The following SLC24A4 variants were observed in gnomAD, a reference collection of about 807,000 sequenced individuals.
SLC24A4 encodes the protein sodium/potassium/calcium exchanger 4.
A neutral mutation model predicts 79.0 loss-of-function variants in SLC24A4; 53 were observed. The observed-to-expected ratio is 0.67, with a 90% CI of 0.54 to 0.84. The LOEUF is 0.84. Ranked by LOEUF, SLC24A4 falls within the 40% of genes least tolerant of loss-of-function variation. The probability of loss-of-function intolerance (pLI) is 0.00; values close to 1 mark genes in which losing one functional copy is unlikely to be tolerated. For missense variants in SLC24A4, 731 were observed against 822.0 expected (o/e 0.89, Z 1.35); for synonymous variants, 323 against 323.8 (o/e 1.00, Z 0.03).
chr14:92,426,407 A>T (rs1417093558), intron 2 of SLC24A4, among the ~76,000 whole-genome samples: 1 of 152,196 alleles, frequency 6.6e-6, no homozygotes, highest in East Asian at 1.9e-4. Flanking sequence ...GCCCTGTGAC[A>T]TTAACAAGTC....
At chr14:92,381,254 A>T (rs1340265708) in intron 2 of SLC24A4, among the ~76,000 whole-genome samples, 3 of 152,200 alleles carry the variant, frequency 2.0e-5, no homozygotes, top group Admixed American at 1.3e-4. Context: ...TGCAGCCATA[A>T]AAAGGGGTGA....
intron 2 of SLC24A4, among the ~76,000 whole-genome samples, chr14:92,355,727 A>G (rs1368904797): frequency 6.6e-6 from 1 of 152,168 alleles, no homozygotes; most frequent in South Asian, 2.1e-4. Flanking sequence ...ACCTTGGAGG[A>G]TCTGCCTGCA....
intron 2 of SLC24A4, among the ~76,000 whole-genome samples, chr14:92,430,933 T>G (rs1269433239): frequency 1.3e-5 from 2 of 152,180 alleles, no homozygotes; most frequent in African/African-American, 4.8e-5. Context: ...CAGAGCAGGC[T>G]CAGCCCCCTC....
chr14:92,379,380 G>A (rs1888696609), intron 2 of SLC24A4, among the ~76,000 whole-genome samples: 3 of 152,196 alleles, frequency 2.0e-5, no homozygotes, highest in Admixed American at 1.3e-4. Flanking sequence ...GGCATTCTCA[G>A]TGGTTCTGCT....
chr14:92,440,807 G>A (rs755252072), intron 4 of SLC24A4, among the ~76,000 whole-genome samples: 2 of 151,722 alleles, frequency 1.3e-5, no homozygotes, highest in Admixed American at 1.3e-4. Context: ...GGAGGAGGTG[G>A]CATTGGGTCC....
intron 2 of SLC24A4, among the ~76,000 whole-genome samples, chr14:92,364,202 TC>T (rs2141672566): frequency 6.6e-6 from 1 of 152,362 alleles, no homozygotes; most frequent in South Asian, 2.1e-4. Flanking sequence ...TAGCTGTCTT[TC>T]CAGACACACT....
intron 12 of SLC24A4, among the ~76,000 whole-genome samples, chr14:92,461,526 G>A (rs1264476935): frequency 6.6e-6 from 1 of 152,162 alleles, no homozygotes; most frequent in Non-Finnish European, 1.5e-5. Context: ...CTGCCTTTTT[G>A]TTCACGTGGC....
At chr14:92,385,696 A>T (rs2141721097) in intron 2 of SLC24A4, among the ~76,000 whole-genome samples, 1 of 151,988 alleles carries the variant, frequency 6.6e-6, no homozygotes, top group East Asian at 1.9e-4. Flanking sequence ...CCCCATTTGG[A>T]TGCACTCTGG....
At chr14:92,481,281 A>T (rs1344652800) in intron 12 of SLC24A4, among the ~76,000 whole-genome samples, 1 of 152,174 alleles carries the variant, frequency 6.6e-6, no homozygotes, top group Non-Finnish European at 1.5e-5. Flanking sequence ...CCCACTGTGG[A>T]TGTCTCATTC....
chr14:92,378,211 G>A (rs530129753), intron 2 of SLC24A4, among the ~76,000 whole-genome samples: 1 of 152,286 alleles, frequency 6.6e-6, no homozygotes, highest in African/African-American at 2.4e-5. Context: ...TGAACGTTGA[G>A]GTTGTTTGCA....
intron 2 of SLC24A4, among the ~76,000 whole-genome samples, chr14:92,375,987 A>T (rs1175894228): frequency 6.6e-6 from 1 of 152,244 alleles, no homozygotes. Flanking sequence ...GACACTATAA[A>T]ATGACTAATT....
chr14:92,354,906 T>C (rs1887091446), intron 2 of SLC24A4, among the ~76,000 whole-genome samples: 1 of 152,128 alleles, frequency 6.6e-6, no homozygotes. Flanking sequence ...AAACCCCATC[T>C]CTACTAAAAA....
rs139302933 is a variant in SLC24A4, at chr14:92,384,498, G to A, written c.242-49414G>A. Among the ~76,000 whole-genome samples the A allele has an allele frequency of 4.6e-3, 696 of 151,990 alleles. 6 individuals carry two copies. Among genetic ancestry groups the A allele is most frequent in the African/African-American group, 0.016 (664 of 41,432 alleles). On this transcript the variant is annotated intron_variant, in intron 2 of 16. Coordinates refer to ENST00000532405, the MANE Select transcript of SLC24A4 (RefSeq NM_153646.4). The stretch of plus-strand genomic sequence containing the variant: ...CTGTGCTTGAGATGGGGGGTGGGGT[G>A]GGGGATTTGAAGTTGAATTGGCTAA...
chr14:92,496,252 ATATG>A lies in SLC24A4; in HGVS notation c.*2627_*2630del, dbSNP rs1895916883. The A allele has an allele frequency of 6.5e-6, 1 of 152,690 alleles. No homozygotes were observed. Among genetic ancestry groups the A allele is most frequent in the South Asian group, 2.1e-4 (1 of 4,836 alleles). The allele number at this position is 152,690 out of a possible 1,614,324, so 9.5% of individuals were successfully genotyped here. On this transcript the variant is annotated 3_prime_UTR_variant, in exon 17 of 17. Transcript: ENST00000532405. ...ATGCATTTATTAAATCTGGAAAACT[ATATG>A]TACACTGTAGGTGGAAAATTCTCTT...
At chr14:92,470,322 C>G (rs942279120) in intron 12 of SLC24A4, among the ~76,000 whole-genome samples, 1 of 152,176 alleles carries the variant, frequency 6.6e-6, no homozygotes, top group Admixed American at 6.5e-5. Context: ...GCTCTGAGCT[C>G]CCAGGTCCAT....
chr14:92,481,803 T>A (rs1372399759), intron 12 of SLC24A4, among the ~76,000 whole-genome samples: 10 of 152,234 alleles, frequency 6.6e-5, no homozygotes, highest in Admixed American at 6.5e-4. Flanking sequence ...TTCTCAATGC[T>A]TCTACAAAAA....
intron 12 of SLC24A4, among the ~76,000 whole-genome samples, chr14:92,470,116 A>G (rs975867616): frequency 1.3e-5 from 2 of 152,208 alleles, no homozygotes; most frequent in African/African-American, 4.8e-5. Context: ...TGGTCCTCAA[A>G]GTGTGGTCCT....
chr14:92,449,230 G>C lies in SLC24A4; in HGVS notation c.880+14G>C. On this transcript the variant is annotated intron_variant, in intron 10 of 16. Coordinates refer to ENST00000532405, the MANE Select transcript of SLC24A4 (RefSeq NM_153646.4). ...TGCTGGGGCAAGGTAAGGCTGAGCA[G>C]ACAGGAGTGGGCAGAAATGTGTCCT... 1 of 1,613,198 alleles carries C rather than the reference G, an allele frequency of 6.2e-7. No individual in the cohort carries two copies. Among genetic ancestry groups the C allele is most frequent in the African/African-American group, 1.3e-5 (1 of 74,904 alleles).
At chr14:92,406,863 C>T (rs1305867487) in intron 2 of SLC24A4, among the ~76,000 whole-genome samples, 5 of 152,188 alleles carry the variant, frequency 3.3e-5, no homozygotes, top group African/African-American at 9.7e-5. Context: ...ACATTCAGCT[C>T]CTCTTTACTA....
Sources: allele counts gnomAD v4.1 joint callset (sites outside exome capture counted in the v4.1 genomes callset), GRCh38; gene constraint gnomAD v4.1.1; transcripts MANE v1.5; gene names NCBI Gene and HGNC (gene_info 2026-07-23, HGNC 2026-07-21).